The following NAV3 variants were observed in gnomAD, a reference collection of about 807,000 sequenced individuals.
NAV3 encodes the protein neuron navigator 3.
A neutral mutation model predicts 244.7 loss-of-function variants in NAV3; 87 were observed. That is an observed-to-expected ratio of 0.36 (90% CI 0.30 to 0.42). The LOEUF is 0.42. Ranked by LOEUF, NAV3 falls within the 20% of genes least tolerant of loss-of-function variation. The pLI is 1.00. For missense variants in NAV3, 2,663 were observed against 2,893.3 expected, an observed-to-expected ratio of 0.92 and a Z score of 1.83; for synonymous variants, 1,126 against 1,042.2, an observed-to-expected ratio of 1.08 and a Z score of -1.55.
intron 2 of NAV3, among the ~76,000 whole-genome samples, chr12:77,584,966 T>C (rs552409424): frequency 8.5e-5 from 13 of 152,298 alleles, no homozygotes; most frequent in African/African-American, 2.6e-4. Context: ...TTGAGTGGCA[T>C]TGAAGAATGC....
Position 78,137,238 on chromosome 12 carries a change from C to T in NAV3, c.4503C>T (p.Ser1501=). Residue 1501 remains serine, a synonymous_variant, in exon 19 of 40, where the codon AGC becomes AGT. Coordinates refer to ENST00000397909, the MANE Select transcript of NAV3 (RefSeq NM_001024383.2). Reference sequence around the variant, plus strand: ...GGCCCAGCATGATGCGCTCAAACAGCATCCCAGCCCAAGACTCTTCCTTCG... The same window carrying T: ...GGCCCAGCATGATGCGCTCAAACAGTATCCCAGCCCAAGACTCTTCCTTCG... ...LPGPSMMRSN[S]IPAQDSSFDL... 1.2e-6 allele frequency: 2 copies of T among 1,613,630 alleles called. No individual in the cohort carries two copies. The highest frequency in any genetic ancestry group is 2.2e-5 in the East Asian group (1 of 44,862).
At chr12:78,199,200 C>T in intron 36 of NAV3, 135 bp from the exon 37 acceptor site, 1 of 725,716 alleles carries the variant, frequency 1.4e-6, no homozygotes, top group South Asian at 1.6e-5. Flanking sequence ...GAAAAGGTGG[C>T]CACCAATTGA....
chr12:78,139,636 C>T (rs530897724), intron 19 of NAV3, among the ~76,000 whole-genome samples: 15 of 152,004 alleles, frequency 9.9e-5, no homozygotes, highest in Admixed American at 2.6e-4. Context: ...GAGTATAAAG[C>T]AGAATGTCCA....
intron 1 of NAV3, among the ~76,000 whole-genome samples, chr12:77,898,878 C>T (rs962531742): frequency 2.0e-5 from 3 of 152,090 alleles, no homozygotes; most frequent in Non-Finnish European, 2.9e-5. Context: ...AAAGGGCATT[C>T]GTGATTCATG....
intron 2 of NAV3, among the ~76,000 whole-genome samples, chr12:77,664,209 CT>C (rs1427660617): frequency 6.6e-6 from 1 of 152,128 alleles, no homozygotes; most frequent in Non-Finnish European, 1.5e-5. Context: ...ATGTTTGGAT[CT>C]AAATTATTTT....
chr12:77,803,045 A>T (rs970000938), intron 2 of NAV3, among the ~76,000 whole-genome samples: 7 of 152,160 alleles, frequency 4.6e-5, no homozygotes, highest in Non-Finnish European at 1.0e-4. Flanking sequence ...ATTCAATGAC[A>T]TTTCAATAAA....
At chr12:78,017,324 T>C (rs1225320208) in intron 8 of NAV3, among the ~76,000 whole-genome samples, 1 of 152,108 alleles carries the variant, frequency 6.6e-6, no homozygotes, top group African/African-American at 2.4e-5. Context: ...TAAATTATAC[T>C]CTGGAGGCTG....
At chr12:77,876,234 A>C (rs544815318) in intron 1 of NAV3, among the ~76,000 whole-genome samples, 2 of 152,206 alleles carry the variant, frequency 1.3e-5, no homozygotes, top group South Asian at 4.1e-4. Flanking sequence ...TGATGATTAT[A>C]TGAACTGGGC....
chr12:78,010,748 G>A (rs1273648637), intron 8 of NAV3: 1 of 151,848 alleles, frequency 6.6e-6, no homozygotes, highest in African/African-American at 2.4e-5. Flanking sequence ...AATGTATACA[G>A]ATACATATAT....
At chr12:77,892,523 C>T (rs927609122) in intron 1 of NAV3, among the ~76,000 whole-genome samples, 1 of 151,872 alleles carries the variant, frequency 6.6e-6, no homozygotes, top group East Asian at 1.9e-4. Flanking sequence ...TCAAGCAATT[C>T]TCCTGCCTCA....
At chr12:77,852,392 G>A (rs983684036) in intron 1 of NAV3, among the ~76,000 whole-genome samples, 5 of 151,922 alleles carry the variant, frequency 3.3e-5, no homozygotes, top group Admixed American at 1.3e-4. Flanking sequence ...AAACTTAACC[G>A]AGCGTAGTGG....
upstream of NAV3, among the ~76,000 whole-genome samples, chr12:77,826,473 C>G (rs1157963405): frequency 1.3e-5 from 2 of 152,130 alleles, no homozygotes; most frequent in Non-Finnish European, 2.9e-5. Flanking sequence ...GCCTGGGTGA[C>G]AGAGCGTGAC....
intron 16 of NAV3, among the ~76,000 whole-genome samples, chr12:78,124,003 A>T (rs1955797133): frequency 6.6e-6 from 1 of 152,250 alleles, no homozygotes; most frequent in African/African-American, 2.4e-5. Context: ...CCTAGATTGT[A>T]TGCTCATATG....
chr12:78,050,092 T>C lies in NAV3; in HGVS notation c.2123T>C (p.Ile708Thr), dbSNP rs753657614. 8 of 1,605,082 alleles carry C rather than the reference T, an allele frequency of 5.0e-6. No homozygotes were observed. The highest frequency in any genetic ancestry group is 6.8e-6 in the Non-Finnish European group (8 of 1,177,070). ...ETMSSLRGTQ[I>T]SHSTLETTFD... ...ATGTCCAGTCTTCGTGGGACTCAGA[T>C]AAGCCACAGGTTTTTTTCAATTTTG... The change falls in exon 10 of 40, where the codon ATA becomes ACA. Residue 708 changes from isoleucine (I) to threonine (T), a missense_variant. Ile to Thr is a moderately conservative substitution (Grantham distance 89, BLOSUM62 -1). Transcript: ENST00000397909.
chr12:78,145,708 A>G (rs988850950), intron 20 of NAV3, among the ~76,000 whole-genome samples: 7 of 152,348 alleles, frequency 4.6e-5, no homozygotes, highest in East Asian at 1.9e-4. Context: ...CATAAGCTGC[A>G]TAGCCAAAAA....
intron 2 of NAV3, among the ~76,000 whole-genome samples, chr12:77,788,732 G>A (rs1201887294): frequency 4.0e-5 from 6 of 150,798 alleles, no homozygotes; most frequent in Non-Finnish European, 7.4e-5. Flanking sequence ...TGAGTACTGC[G>A]GTCATGTTGG....
intron 12 of NAV3, among the ~76,000 whole-genome samples, chr12:78,114,782 C>T (rs757668675): frequency 6.6e-6 from 1 of 151,934 alleles, no homozygotes; most frequent in African/African-American, 2.4e-5. Flanking sequence ...ATTTGAGCAA[C>T]CACAAATGAC....
chr12:78,198,412 C>T (rs1383399239), intron 35 of NAV3, among the ~76,000 whole-genome samples, 193 bp from the exon 36 acceptor site: 1 of 151,864 alleles, frequency 6.6e-6, no homozygotes, highest in Non-Finnish European at 1.5e-5. Context: ...GATTCCAGAA[C>T]TGGAATTAGA....
chr12:78,175,557 C>A, intron 25 of NAV3, 130 bp downstream of exon 25: 1 of 1,140,968 alleles, frequency 8.8e-7, no homozygotes, highest in Non-Finnish European at 1.2e-6. Context: ...ACCTCAAATG[C>A]TGCACTCATC....
Sources: gnomAD v4.1 joint callset for allele counts (sites outside exome capture counted in the v4.1 genomes callset) on GRCh38, gnomAD v4.1.1 for gene constraint, MANE v1.5 for transcripts, NCBI Gene and HGNC (gene_info 2026-07-23, HGNC 2026-07-21) for gene names.